The following MAST4 variants were observed in gnomAD, a reference collection of about 807,000 sequenced individuals.
MAST4 encodes microtubule-associated serine/threonine-protein kinase 4.
MAST4 carries 89 observed loss-of-function variants against 162.7 expected under a neutral mutation model. The ratio of observed to expected loss-of-function variants is 0.55; its 90% confidence interval spans 0.46 to 0.65. The LOEUF is 0.65. MAST4 is among the 30% of genes least tolerant of loss of function. The pLI, the probability that MAST4 is intolerant of heterozygous loss-of-function variation, is 0.00. For missense variants in MAST4, 3,153 were observed against 3,374.0 expected (o/e 0.93, Z 1.62); for synonymous variants, 1,479 against 1,361.1 (o/e 1.09, Z -1.91).
chr5:66,919,898 CTCCTTCCTTCCTTCCTTCCTTCCTTCCT>C (rs770358340), intron 4 of MAST4, among the ~76,000 whole-genome samples: 23,355 of 112,108 alleles, frequency 0.21, 3,105 homozygotes, highest in Non-Finnish European at 0.26. Context: ...ATTTTTCTCT[CTCCTTCCTTCCTTCCTTCCTTCCTTCCT>C]TCCTTCCTTC....
chr5:67,165,526 C>T lies in MAST4; in HGVS notation c.6347C>T (p.Ala2116Val). 1 of 1,613,972 alleles carries T rather than the reference C, an allele frequency of 6.2e-7. No homozygotes were observed. Among genetic ancestry groups the T allele is most frequent in the South Asian group, 1.1e-5 (1 of 91,082 alleles). ...TTCCCATCTTTGCAGAAAGATGGTG[C>T]CAAGGAACCTGAAAGGAAGGAGCAG... ...SSFPSLQKDG[A>V]KEPERKEQPL... Residue 2116 changes from alanine to valine, a missense_variant, in exon 29 of 29, where the codon GCC (alanine) becomes GTC (valine). By Grantham distance (64) the Ala-to-Val change is moderately conservative. Coordinates refer to ENST00000403625, the MANE Select transcript of MAST4 (RefSeq NM_001164664.2).
At position 66,913,575 on chromosome 5, in the gene MAST4, T is replaced by A. The variant is rs192953957; in HGVS notation, c.674+13593T>A. On this transcript the variant is annotated intron_variant, in intron 4 of 28. Transcript: ENST00000403625. ...TTTTGACCATTATAAATAAACCTGA[T>A]ATATGTGATCTGTAAATGTTTTCTC... Among the ~76,000 whole-genome samples, 4 of 152,366 alleles carry A rather than the reference T, an allele frequency of 2.6e-5. No individual in the cohort carries two copies. The East Asian group carries it at 5.8e-4, about 22-fold the overall frequency.
chr5:66,857,469 A>G lies in MAST4; in HGVS notation c.643-42482A>G, dbSNP rs375099326. ...TATAGTATACACATTTTTAACCTTA[A>G]TGGATATTGCAGTAAACTTGTCAGA... is the stretch of plus-strand genomic sequence containing the variant. On this transcript the variant is annotated intron_variant, in intron 3 of 28. Coordinates refer to ENST00000403625, the MANE Select transcript of MAST4 (RefSeq NM_001164664.2). Among the ~76,000 whole-genome samples, 32 of 152,318 alleles carry G rather than the reference A, an allele frequency of 2.1e-4. No individual in the cohort carries two copies. In the East Asian group the frequency reaches 5.2e-3, roughly 25 times the overall value.
At chr5:66,870,883 G>A (rs775741148) in intron 3 of MAST4, 5 of 471,040 alleles carry the variant, frequency 1.1e-5, no homozygotes, top group Non-Finnish European at 2.2e-5. Flanking sequence ...TGGGCAACGG[G>A]TGTGCATGGC....
chr5:67,159,913 A>G (rs879935482), intron 26 of MAST4, among the ~76,000 whole-genome samples: 35 of 152,366 alleles, frequency 2.3e-4, no homozygotes, highest in African/African-American at 7.9e-4. Context: ...ATTAAAAATA[A>G]AAGTCTCATT....
intron 1 of MAST4, among the ~76,000 whole-genome samples, chr5:66,615,198 A>G (rs1207074581): frequency 6.6e-6 from 1 of 152,150 alleles, no homozygotes; most frequent in Non-Finnish European, 1.5e-5. Flanking sequence ...TCCCTGGGCC[A>G]GGAAGGGAGT....
At chr5:66,983,957 G>A (rs1187981439) in intron 4 of MAST4, among the ~76,000 whole-genome samples, 1 of 152,192 alleles carries the variant, frequency 6.6e-6, no homozygotes, top group African/African-American at 2.4e-5. Context: ...CACAGAGGAG[G>A]CACTGTATTC....
chr5:66,903,760 T>C (rs1241562875), intron 4 of MAST4, among the ~76,000 whole-genome samples: 1 of 152,216 alleles, frequency 6.6e-6, no homozygotes, highest in Admixed American at 6.5e-5. Flanking sequence ...GAGTTGAGAC[T>C]CTGAATGCCT....
chr5:66,639,278 TTGTG>T (rs70987132), intron 1 of MAST4, among the ~76,000 whole-genome samples: 115 of 138,708 alleles, frequency 8.3e-4, no homozygotes, highest in East Asian at 5.7e-3. Flanking sequence ...GAGAGGCAGC[TTGTG>T]TGTGTGTGTG....
At chr5:66,690,697 G>GA (rs1383713140) in intron 1 of MAST4, among the ~76,000 whole-genome samples, 1 of 152,116 alleles carries the variant, frequency 6.6e-6, no homozygotes, top group Non-Finnish European at 1.5e-5. Context: ...TAGCACTGTT[G>GA]AAAAATTGAG....
chr5:67,149,715 C>A, intron 24 of MAST4, 126 bp downstream of exon 24: 1 of 972,542 alleles, frequency 1.0e-6, no homozygotes, highest in South Asian at 1.5e-5. Flanking sequence ...TGTCCCAGGA[C>A]AGCTCTTGAG....
At chr5:66,687,567 TACAC>T in intron 1 of MAST4, among the ~76,000 whole-genome samples, 4 of 151,592 alleles carry the variant, frequency 2.6e-5, no homozygotes, top group African/African-American at 9.7e-5. Flanking sequence ...CATGCATATA[TACAC>T]ATGTATATGT....
At chr5:66,824,460 G>A (rs370080837) in intron 3 of MAST4, among the ~76,000 whole-genome samples, 26 of 152,326 alleles carry the variant, frequency 1.7e-4, no homozygotes, top group African/African-American at 6.3e-4. Context: ...GCAGTTCAGC[G>A]AGAGCTGCTG....
intron 4 of MAST4, among the ~76,000 whole-genome samples, chr5:67,047,469 T>A (rs1342747730): frequency 2.0e-5 from 3 of 152,298 alleles, no homozygotes; most frequent in Admixed American, 1.3e-4. Flanking sequence ...CTCTCTCACC[T>A]CCCCAGTGAG....
At chr5:67,019,803 G>C (rs1266073460) in intron 4 of MAST4, among the ~76,000 whole-genome samples, 4 of 152,064 alleles carry the variant, frequency 2.6e-5, no homozygotes, top group Non-Finnish European at 5.9e-5. Flanking sequence ...TTTGAAAGTT[G>C]GGTATATAGA....
intron 3 of MAST4, among the ~76,000 whole-genome samples, chr5:66,809,718 C>G (rs1274835506): frequency 6.6e-6 from 1 of 152,130 alleles, no homozygotes; most frequent in African/African-American, 2.4e-5. Flanking sequence ...AAAAAAACTA[C>G]GTACAATTAA....
chr5:66,777,117 A>C (rs573987613), intron 2 of MAST4, among the ~76,000 whole-genome samples: 1 of 152,192 alleles, frequency 6.6e-6, no homozygotes, highest in East Asian at 1.9e-4. Context: ...TTTATCCGGG[A>C]CTCTCTAGCT....
At chr5:66,852,723 A>G (rs867866041) in intron 3 of MAST4, among the ~76,000 whole-genome samples, 21 of 152,342 alleles carry the variant, frequency 1.4e-4, no homozygotes, top group Admixed American at 1.2e-3. Flanking sequence ...TACCATTGCA[A>G]TGCAAGTTCT....
At chr5:66,921,349 A>G (rs1048263741) in intron 4 of MAST4, among the ~76,000 whole-genome samples, 1 of 152,202 alleles carries the variant, frequency 6.6e-6, no homozygotes, top group Non-Finnish European at 1.5e-5. Context: ...CCTGGACCTA[A>G]TGAGGTGAGG....
Sources: gnomAD v4.1 joint callset for allele counts (sites outside exome capture counted in the v4.1 genomes callset) on GRCh38, gnomAD v4.1.1 for gene constraint, MANE v1.5 for transcripts, NCBI Gene and HGNC (gene_info 2026-07-23, HGNC 2026-07-21) for gene names.